FLVCR2: variants seen among roughly 807,000 people sequenced by gnomAD.
The protein encoded by FLVCR2 is FLVCR choline and putative heme transporter 2.
In FLVCR2, 38 loss-of-function variants were observed where a neutral mutation model predicts 48.9. The ratio of observed to expected loss-of-function variants is 0.78; its 90% confidence interval spans 0.60 to 1.02. FLVCR2 has a LOEUF of 1.02. Ranked by LOEUF, FLVCR2 falls within the 50% of genes least tolerant of loss-of-function variation. The probability of loss-of-function intolerance (pLI) is 0.00; values close to 1 mark genes in which losing one functional copy is unlikely to be tolerated. For missense variants in FLVCR2, 664 were observed against 663.3 expected, an observed-to-expected ratio of 1.00 and a Z score of -0.01; for synonymous variants, 255 against 257.0, an observed-to-expected ratio of 0.99 and a Z score of 0.07.
chr14:75,609,107 T>A (rs1889371999), intron 1 of FLVCR2, among the ~76,000 whole-genome samples: 1 of 152,168 alleles, frequency 6.6e-6, no homozygotes, highest in Non-Finnish European at 1.5e-5. Context: ...GCCTTTATTT[T>A]ATTTATTGAA....
intron 1 of FLVCR2, among the ~76,000 whole-genome samples, chr14:75,592,751 G>A (rs1888915634): frequency 6.6e-6 from 1 of 152,122 alleles, no homozygotes; most frequent in Non-Finnish European, 1.5e-5. Context: ...CACTTTGGGA[G>A]GCCGAGGTGG....
intron 1 of FLVCR2, among the ~76,000 whole-genome samples, chr14:75,612,303 T>A (rs1429173045): frequency 6.6e-6 from 1 of 152,162 alleles, no homozygotes; most frequent in East Asian, 1.9e-4. Context: ...CCCAAAGAAC[T>A]GAGGGAATCC....
At chr14:75,632,897 A>T in intron 3 of FLVCR2, 1 of 702,330 alleles carries the variant, frequency 1.4e-6, no homozygotes, top group South Asian at 1.5e-5. Context: ...TGCAGCCGCC[A>T]TTGTCATCAT....
At chr14:75,642,480 C>T (rs1890325974) in intron 9 of FLVCR2, among the ~76,000 whole-genome samples, 1 of 152,106 alleles carries the variant, frequency 6.6e-6, no homozygotes, top group Non-Finnish European at 1.5e-5. Flanking sequence ...AAGTGTTTTC[C>T]ATCTGTTCTA....
chr14:75,606,853 G>A (rs1055570500), intron 1 of FLVCR2, among the ~76,000 whole-genome samples: 1 of 151,940 alleles, frequency 6.6e-6, no homozygotes, highest in Non-Finnish European at 1.5e-5. Context: ...CTGAGGTTGG[G>A]GGATCACCTG....
chr14:75,626,837 A>G (rs1224813957), intron 3 of FLVCR2, among the ~76,000 whole-genome samples: 1 of 151,900 alleles, frequency 6.6e-6, no homozygotes, highest in African/African-American at 2.4e-5. Flanking sequence ...TTGACCTCTG[A>G]CAACCATAAA....
rs71119379 is a variant in FLVCR2, at chr14:75,645,033, G to GGTGTGT, written c.1510-1329_1510-1324dup. Among the ~76,000 whole-genome samples, 10 of 13,070 alleles carry GGTGTGT rather than the reference G, an allele frequency of 7.7e-4. No homozygotes were observed. The East Asian group carries it at 0.019, about 25-fold the overall frequency. The allele number at this position is 13,070 out of a possible 152,430, so 8.6% of individuals were successfully genotyped here. The stretch of plus-strand genomic sequence containing the variant: ...TGATGGCTTTGGAGGAGGCGGGCGT[G>GGTGTGT]GTGTGTGTGTGTGTGTGTGTGTGTG... On this transcript the variant is annotated intron_variant, in intron 9 of 9. Coordinates refer to ENST00000238667, the MANE Select transcript of FLVCR2 (RefSeq NM_017791.3).
rs186563807 is a variant in FLVCR2, at chr14:75,589,303, A to G, written c.669+9662A>G. Among the ~76,000 whole-genome samples the G allele has an allele frequency of 2.8e-4, 43 of 152,354 alleles. No individual in the cohort carries two copies. The East Asian group carries it at 7.7e-3, about 27-fold the overall frequency. ...ATAGGATAGACATTCACACATACCA[A>G]AAAGGAGAAATAGGCAAGAAGAAAA... On this transcript the variant is annotated intron_variant, in intron 1 of 9. Transcript: ENST00000238667.
chr14:75,586,861 C>G (rs370064491), intron 1 of FLVCR2, among the ~76,000 whole-genome samples: 1 of 151,890 alleles, frequency 6.6e-6, no homozygotes, highest in African/African-American at 2.4e-5. Context: ...TCTTTGCCTT[C>G]GAAGACATAC....
At position 75,579,068 on chromosome 14, in the gene FLVCR2, C is replaced by G; in HGVS notation, c.96C>G (p.Ser32Arg). Residue 32 changes from serine (S) to arginine (R), a missense_variant, in exon 1 of 10, where the codon AGC becomes AGG. Ser to Arg is a moderately radical substitution (Grantham distance 110). Coordinates refer to ENST00000238667, the MANE Select transcript of FLVCR2 (RefSeq NM_017791.3). ...ACCCCAGCGTCTCGGTCCATCCCAG[C>G]GTCTCGGTCCATCCCAGCGTCTCCA... Reference protein sequence around the residue: ...QADPSVSVHPSVSVHPSVSIN... With the variant: ...QADPSVSVHPRVSVHPSVSIN... The G allele has an allele frequency of 1.9e-6, 3 of 1,614,010 alleles. No individual in the cohort carries two copies. The highest frequency in any genetic ancestry group is 2.2e-5 in the East Asian group (1 of 44,852).
Position 75,641,187 on chromosome 14 carries a change from T to G in FLVCR2, c.1347T>G (p.Phe449Leu). The G allele has an allele frequency of 1.2e-6, 2 of 1,611,120 alleles. No homozygotes were observed. The highest frequency in any genetic ancestry group is 1.7e-6 in the Non-Finnish European group (2 of 1,177,254). ...TCTTCTTTATGCCTTTCCAGGTATT[T>G]GGGATCATCTTTACCATCTCCCAGG... Reference protein sequence around the residue: ...SGLLNISAQVFGIIFTISQGQ... With the variant: ...SGLLNISAQVLGIIFTISQGQ... Residue 449 changes from phenylalanine to leucine, a missense_variant, in exon 8 of 10, where the codon TTT becomes TTG. By Grantham distance (22) the Phe-to-Leu change is conservative. Transcript: ENST00000238667.
At position 75,646,718 on chromosome 14, in the gene FLVCR2, A is replaced by G. The variant is rs916308189; in HGVS notation, c.*246A>G. On this transcript the variant is annotated 3_prime_UTR_variant, in exon 10 of 10. Coordinates refer to ENST00000238667, the MANE Select transcript of FLVCR2 (RefSeq NM_017791.3). ...CCTCCACCCCCTTTTAGGTTATGGG[A>G]GTTGGTGTTGGGACAGGGTGGCAGA... 2.9e-5 allele frequency: 15 copies of G among 523,432 alleles called. No individual in the cohort carries two copies. The Admixed American group carries it at 3.7e-4, about 13-fold the overall frequency. The allele number at this position is 523,432 out of a possible 1,614,324, so 32.4% of individuals were successfully genotyped here.
Position 75,579,226 on chromosome 14 carries a change from G to C in FLVCR2, c.254G>C (p.Trp85Ser). Reference sequence around the variant, plus strand: ...GTGATCAAGGTGAGCAGGCGCCGTTGGGCCGTGGTCCTGGTGTTTAGCTGC... The same window carrying C: ...GTGATCAAGGTGAGCAGGCGCCGTTCGGCCGTGGTCCTGGTGTTTAGCTGC... ...LSVIKVSRRRWAVVLVFSCYS... is the reference protein window; with the variant it reads ...LSVIKVSRRRSAVVLVFSCYS... Residue 85 changes from tryptophan to serine, a missense_variant, in exon 1 of 10, where the codon TGG (tryptophan) becomes TCG (serine). Coordinates refer to ENST00000238667, the MANE Select transcript of FLVCR2 (RefSeq NM_017791.3). 1.2e-6 allele frequency: 2 copies of C among 1,614,226 alleles called. No individual in the cohort carries two copies. Among genetic ancestry groups the C allele is most frequent in the South Asian group, 2.2e-5 (2 of 91,084 alleles).
chr14:75,626,589 G>A (rs149524499), intron 3 of FLVCR2, among the ~76,000 whole-genome samples: 9 of 151,844 alleles, frequency 5.9e-5, no homozygotes, highest in South Asian at 2.1e-4. Context: ...CCATTCATCC[G>A]CAAAATAAAG....
At chr14:75,633,718 G>T (rs770807093) in intron 4 of FLVCR2, 22 bp downstream of exon 4, 3 of 1,581,948 alleles carry the variant, frequency 1.9e-6, no homozygotes, top group Non-Finnish European at 2.6e-6. Flanking sequence ...CCCTAAGCAT[G>T]TTGGGCCTCA....
chr14:75,606,078 A>G (rs2140022151), intron 1 of FLVCR2: 2 of 177,348 alleles, frequency 1.1e-5, no homozygotes, highest in Non-Finnish European at 2.4e-5. Context: ...GGAGTGCGGT[A>G]GCATGATCAC....
intron 1 of FLVCR2, among the ~76,000 whole-genome samples, chr14:75,612,624 C>G (rs1010667795): frequency 1.3e-5 from 2 of 152,168 alleles, no homozygotes; most frequent in Non-Finnish European, 2.9e-5. Context: ...CGGTCTTTGC[C>G]TGGACATTAT....
intron 1 of FLVCR2, among the ~76,000 whole-genome samples, chr14:75,598,715 A>G (rs1288378300): frequency 6.6e-6 from 1 of 152,170 alleles, no homozygotes; most frequent in African/African-American, 2.4e-5. Flanking sequence ...GCCTCAAGCG[A>G]TCCTGCTGCC....
chr14:75,637,913 GGGAAGAGAACTGCT>G (rs1890208767), intron 5 of FLVCR2, among the ~76,000 whole-genome samples: 1 of 151,974 alleles, frequency 6.6e-6, no homozygotes, highest in Non-Finnish European at 1.5e-5. Context: ...TGGGCAACAT[GGGAAGAGAACTGCT>G]GGAGGGGCAC....
Sources: allele counts gnomAD v4.1 joint callset (sites outside exome capture counted in the v4.1 genomes callset), GRCh38; gene constraint gnomAD v4.1.1; transcripts MANE v1.5; gene names NCBI Gene and HGNC (gene_info 2026-07-23, HGNC 2026-07-21).